ZRANB3: variants seen among roughly 807,000 people sequenced by gnomAD.
The protein encoded by ZRANB3 is zinc finger RANBP2-type containing 3.
A neutral mutation model predicts 133.8 loss-of-function variants in ZRANB3; 125 were observed. That is an observed-to-expected ratio of 0.93 (90% confidence interval 0.81 to 1.08). The LOEUF (loss-of-function observed/expected upper bound fraction) is 1.08. ZRANB3 is among the 50% of genes least tolerant of loss of function. ZRANB3 has a pLI of 0.00. For synonymous variants in ZRANB3, 387 were observed against 432.7 expected (o/e 0.89, Z 1.31); for missense variants, 1,229 against 1,275.5 (o/e 0.96, Z 0.56).
chr2:135,481,529 G>A (rs1041429849), intron 2 of ZRANB3, among the ~76,000 whole-genome samples: 3 of 152,250 alleles, frequency 2.0e-5, no homozygotes, highest in Non-Finnish European at 2.9e-5. Flanking sequence ...TTTGTCACAT[G>A]AGTAAGTTGC....
chr2:135,487,624 T>C (rs1430340902), intron 2 of ZRANB3, among the ~76,000 whole-genome samples: 2 of 152,218 alleles, frequency 1.3e-5, no homozygotes, highest in Non-Finnish European at 2.9e-5. Flanking sequence ...CACATTTATG[T>C]TATGACGATG....
intron 1 of ZRANB3, chr2:135,511,450 C>A (rs902168938): frequency 2.4e-6 from 2 of 826,606 alleles, no homozygotes; most frequent in African/African-American, 3.3e-5. Context: ...TCAGGTACCA[C>A]CTGAGGTGTT....
At chr2:135,348,042 T>G (rs1685023638) in intron 5 of ZRANB3, among the ~76,000 whole-genome samples, 1 of 152,048 alleles carries the variant, frequency 6.6e-6, no homozygotes. Flanking sequence ...GCAGATCACT[T>G]GAGGCCAGGA....
In ZRANB3 at chr2:135,377,133, T is replaced by C. The variant is rs994122602; in HGVS notation, c.180+13669A>G. Among the ~76,000 whole-genome samples, 4 of 152,224 alleles carry C rather than the reference T, an allele frequency of 2.6e-5. No homozygotes were observed. The East Asian group carries it at 7.7e-4, about 29-fold the overall frequency. On this transcript the variant is annotated intron_variant, in intron 3 of 20. Transcript: ENST00000264159. ...AGCAATTAAGTAAACAGATGGCAGA[T>C]GGTGGGACCCACTGTTAGGGTTAAA... is the stretch of plus-strand genomic sequence containing the variant.
intron 2 of ZRANB3, 124 bp downstream of exon 2, chr2:135,504,203 CTT>C (rs761672261): frequency 3.6e-6 from 4 of 1,103,200 alleles, no homozygotes; most frequent in Non-Finnish European, 5.4e-6. Context: ...ATAAAGCTAA[CTT>C]GGTCACAATC....
At chr2:135,408,431 TCTACAA>T in intron 2 of ZRANB3, among the ~76,000 whole-genome samples, 9 of 152,160 alleles carry the variant, frequency 5.9e-5, no homozygotes, top group African/African-American at 2.2e-4. Flanking sequence ...TCCTAAGGGA[TCTACAA>T]CTAGAAATAA....
At chr2:135,426,558 G>A (rs940824698) in intron 2 of ZRANB3, among the ~76,000 whole-genome samples, 11 of 151,936 alleles carry the variant, frequency 7.2e-5, no homozygotes, top group Admixed American at 1.3e-4. Context: ...GGCCGGGCAC[G>A]GTGGCTCATG....
intron 2 of ZRANB3, among the ~76,000 whole-genome samples, chr2:135,413,533 T>C (rs942163896): frequency 6.6e-6 from 1 of 152,214 alleles, no homozygotes; most frequent in Non-Finnish European, 1.5e-5. Context: ...ATTTACAAAG[T>C]ACTATCTCTC....
rs1693678171 is a variant in ZRANB3 at position 135,202,821 on chromosome 2, G to A, written c.3141+11C>T. 3 of 1,601,940 alleles carry A rather than the reference G, an allele frequency of 1.9e-6. No homozygotes were observed. Among genetic ancestry groups the A allele is most frequent in the Non-Finnish European group, 2.6e-6 (3 of 1,173,884 alleles). ...AGGATGCAGTCAAAGCTATATGAGA[G>A]CTTCACTGACCTCTTTGTGACAGAC... On this transcript the variant is annotated intron_variant, in intron 20 of 20. Transcript: ENST00000264159.
chr2:135,489,865 T>C (rs79451977), intron 2 of ZRANB3, among the ~76,000 whole-genome samples: 105 of 151,918 alleles, frequency 6.9e-4, no homozygotes, highest in African/African-American at 2.3e-3. Context: ...ATAAGCATAT[T>C]TGATGTCTTC....
intron 3 of ZRANB3, among the ~76,000 whole-genome samples, chr2:135,385,855 C>A (rs1265836374): frequency 6.6e-6 from 1 of 152,160 alleles, no homozygotes; most frequent in Admixed American, 6.6e-5. Context: ...GGATTAAAGA[C>A]TTGAATGGTT....
At chr2:135,389,344 A>G (rs1687120303) in intron 3 of ZRANB3, among the ~76,000 whole-genome samples, 1 of 152,168 alleles carries the variant, frequency 6.6e-6, no homozygotes, top group African/African-American at 2.4e-5. Flanking sequence ...CCCTATATCA[A>G]CATTTCTGTA....
intron 15 of ZRANB3, among the ~76,000 whole-genome samples, chr2:135,221,186 A>G (rs1302317507): frequency 6.6e-6 from 1 of 152,136 alleles, no homozygotes; most frequent in Non-Finnish European, 1.5e-5. Flanking sequence ...GTGAAAAGGA[A>G]AGCTTTCATC....
At chr2:135,373,963 T>G (rs944600953) in intron 3 of ZRANB3, among the ~76,000 whole-genome samples, 1 of 152,212 alleles carries the variant, frequency 6.6e-6, no homozygotes, top group African/African-American at 2.4e-5. Flanking sequence ...TATTATTGCC[T>G]ACTTTAAACA....
chr2:135,336,893 A>G (rs980192737), intron 6 of ZRANB3, among the ~76,000 whole-genome samples: 1 of 152,114 alleles, frequency 6.6e-6, no homozygotes, highest in African/African-American at 2.4e-5. Context: ...AACAATTACA[A>G]TTAAGGGCTT....
chr2:135,335,719 AACAAC>A (rs1684340325), intron 6 of ZRANB3, among the ~76,000 whole-genome samples: 1 of 152,050 alleles, frequency 6.6e-6, no homozygotes, highest in Admixed American at 6.6e-5. Context: ...AACAAAACAA[AACAAC>A]AAAAACAAAA....
At chr2:135,417,159 C>T (rs1688619064) in intron 2 of ZRANB3, among the ~76,000 whole-genome samples, 1 of 152,156 alleles carries the variant, frequency 6.6e-6, no homozygotes, top group Admixed American at 6.5e-5. Context: ...AAACTACCAT[C>T]AGAGTGAACA....
At chr2:135,480,329 C>A (rs1559026735) in intron 2 of ZRANB3, among the ~76,000 whole-genome samples, 1 of 152,060 alleles carries the variant, frequency 6.6e-6, no homozygotes, top group Non-Finnish European at 1.5e-5. Flanking sequence ...AACAAAGAAT[C>A]TTCTTATAGT....
chr2:135,227,731 G>C (rs1294033279), intron 14 of ZRANB3, 81 bp downstream of exon 14: 1 of 1,377,754 alleles, frequency 7.3e-7, no homozygotes. Flanking sequence ...GAACAAGGTA[G>C]TAATTACTAA....
Sources: gnomAD v4.1 joint callset for allele counts (sites outside exome capture counted in the v4.1 genomes callset) on GRCh38, gnomAD v4.1.1 for gene constraint, MANE v1.5 for transcripts, NCBI Gene and HGNC (gene_info 2026-07-23, HGNC 2026-07-21) for gene names.